SYNPR: variants seen among roughly 807,000 people sequenced by gnomAD.
SYNPR encodes the protein synaptoporin.
In SYNPR, 23 loss-of-function variants were observed where a neutral mutation model predicts 32.9. The observed-to-expected ratio is 0.70, with a 90% CI of 0.50 to 0.99. The LOEUF (loss-of-function observed/expected upper bound fraction) is 0.99, where lower values mean the gene tolerates loss of function less well. SYNPR is among the 50% of genes least tolerant of loss of function. SYNPR has a pLI of 0.00. For synonymous variants in SYNPR, 146 were observed against 135.9 expected (o/e 1.07, Z -0.52); for missense variants, 318 against 349.3 (o/e 0.91, Z 0.71).
chr3:63,538,929 G>A (rs1204834036), intron 3 of SYNPR, among the ~76,000 whole-genome samples: 1 of 151,924 alleles, frequency 6.6e-6, no homozygotes, highest in Non-Finnish European at 1.5e-5. Flanking sequence ...TTTATTGTTT[G>A]TATAGTCTAT....
At chr3:63,579,239 T>C (rs1703046826) in intron 4 of SYNPR, among the ~76,000 whole-genome samples, 1 of 152,160 alleles carries the variant, frequency 6.6e-6, no homozygotes, top group East Asian at 1.9e-4. Context: ...TTTCCTAGGT[T>C]GATAAACTTA....
chr3:63,260,954 CAT>C (rs1323553871), intron 2 of SYNPR, among the ~76,000 whole-genome samples: 1 of 151,864 alleles, frequency 6.6e-6, no homozygotes, highest in Non-Finnish European at 1.5e-5. Context: ...AGCCAAAAGA[CAT>C]ATGAAAAAAT....
rs752610442 is a variant in SYNPR at position 63,283,448 on chromosome 3, G to A, written c.84+4706G>A. Reference sequence around the variant, plus strand: ...TCTTTTAGGTCAAAACGGAAAAGTCGGGACATAGCACTGACTCTGGTGGTC... The same window carrying A: ...TCTTTTAGGTCAAAACGGAAAAGTCAGGACATAGCACTGACTCTGGTGGTC... On this transcript the variant is annotated intron_variant, in intron 2 of 5. Coordinates refer to ENST00000478300, the MANE Select transcript of SYNPR (RefSeq NM_001130003.2). Among the ~76,000 whole-genome samples, 4 of 152,194 alleles carry A rather than the reference G, an allele frequency of 2.6e-5. No homozygotes were observed. In the East Asian group the frequency reaches 5.8e-4, roughly 22 times the overall value.
At chr3:63,451,309 C>T (rs550814636) in intron 2 of SYNPR, among the ~76,000 whole-genome samples, 1 of 152,066 alleles carries the variant, frequency 6.6e-6, no homozygotes, top group Non-Finnish European at 1.5e-5. Flanking sequence ...AACCATTTCC[C>T]CAGTCTACCA....
At chr3:63,477,613 G>C (rs368979132) in intron 2 of SYNPR, among the ~76,000 whole-genome samples, 1 of 152,148 alleles carries the variant, frequency 6.6e-6, no homozygotes, top group African/African-American at 2.4e-5. Context: ...TCTTCAGCTC[G>C]TCTAAGCAGC....
intron 2 of SYNPR, among the ~76,000 whole-genome samples, chr3:63,393,607 C>A (rs1368032940): frequency 6.7e-6 from 1 of 150,274 alleles, no homozygotes; most frequent in Non-Finnish European, 1.5e-5. Context: ...AAGCCATTCT[C>A]CCACCTGAGC....
intron 3 of SYNPR, among the ~76,000 whole-genome samples, chr3:63,482,020 G>T (rs1701058402): frequency 6.8e-6 from 1 of 147,378 alleles, no homozygotes; most frequent in South Asian, 2.1e-4. Context: ...TGAACTACCA[G>T]AGCCCAGGAC....
intron 4 of SYNPR, among the ~76,000 whole-genome samples, chr3:63,565,837 T>A (rs78082914): frequency 0.02 from 3,006 of 152,276 alleles, 116 homozygotes; most frequent in African/African-American, 0.068. Flanking sequence ...ACTCTCTACC[T>A]GTCACCGTGT....
intron 2 of SYNPR, among the ~76,000 whole-genome samples, chr3:63,463,641 T>C (rs1575657731): frequency 6.6e-6 from 1 of 152,160 alleles, no homozygotes; most frequent in East Asian, 1.9e-4. Flanking sequence ...ATCCACCATG[T>C]CCGCATGACA....
intron 2 of SYNPR, among the ~76,000 whole-genome samples, chr3:63,296,563 C>G (rs1401581282): frequency 6.6e-6 from 1 of 152,142 alleles, no homozygotes; most frequent in Non-Finnish European, 1.5e-5. Flanking sequence ...GTCTCCTTTG[C>G]CTGACTTCAG....
At chr3:63,409,402 A>AGCACACAAGAT (rs2088431939) in intron 2 of SYNPR, among the ~76,000 whole-genome samples, 2 of 152,114 alleles carry the variant, frequency 1.3e-5, no homozygotes, top group African/African-American at 4.8e-5. Flanking sequence ...AAGCACACAA[A>AGCACACAAGAT]CTGATGCTTC....
chr3:63,552,945 T>C (rs1470782020), intron 3 of SYNPR, among the ~76,000 whole-genome samples: 1 of 152,234 alleles, frequency 6.6e-6, no homozygotes, highest in African/African-American at 2.4e-5. Context: ...TGGAAGATGA[T>C]GTGCACAACA....
chr3:63,375,080 G>A (rs2087870545), intron 2 of SYNPR, among the ~76,000 whole-genome samples: 1 of 152,168 alleles, frequency 6.6e-6, no homozygotes, highest in Non-Finnish European at 1.5e-5. Flanking sequence ...AACAGATGCT[G>A]GAGAGGATGC....
intron 3 of SYNPR, among the ~76,000 whole-genome samples, chr3:63,527,389 A>T (rs1052120757): frequency 6.6e-6 from 1 of 152,118 alleles, no homozygotes; most frequent in Non-Finnish European, 1.5e-5. Flanking sequence ...CATTAAAAAA[A>T]AAATTCAGAA....
At position 63,249,261 on chromosome 3, in the gene SYNPR, G is replaced by A. The variant is rs1191169685; in HGVS notation, n.67-3238G>A. ...AGAGATCATATTTTCAGCTATCAGA[G>A]TGAAAGAAGTTTAAATATGTGATAA... On this transcript the variant is annotated intron_variant and non_coding_transcript_variant, in intron 1 of 4. Transcript: ENST00000478456. Among the ~76,000 whole-genome samples, 8 of 152,236 alleles carry A rather than the reference G, an allele frequency of 5.3e-5. No homozygotes were observed. In the East Asian group the frequency reaches 1.2e-3, roughly 22 times the overall value.
chr3:63,340,576 C>A (rs373214317), intron 2 of SYNPR, among the ~76,000 whole-genome samples: 5 of 151,380 alleles, frequency 3.3e-5, no homozygotes. Context: ...CCCGCCACTA[C>A]GCCCGGCTAA....
Position 63,451,014 on chromosome 3 carries a change from C to A in SYNPR, c.85-29818C>A, listed in dbSNP as rs558496506. 5.9e-5 allele frequency among the ~76,000 whole-genome samples: 9 copies of A among 152,112 alleles called. No individual in the cohort carries two copies. In the East Asian group the frequency reaches 7.7e-4, roughly 13 times the overall value. ...AAAGAGAGGAAATAGGTCCAAATCC[C>A]GGCTCTGCGATATAGGGGTATGTAT... On this transcript the variant is annotated intron_variant, in intron 2 of 5. Coordinates refer to ENST00000478300, the MANE Select transcript of SYNPR (RefSeq NM_001130003.2).
chr3:63,505,220 T>C (rs1701565065), intron 3 of SYNPR, among the ~76,000 whole-genome samples: 1 of 152,140 alleles, frequency 6.6e-6, no homozygotes, highest in South Asian at 2.1e-4. Flanking sequence ...AATGTTAGGT[T>C]GAAGCATATG....
intron 3 of SYNPR, among the ~76,000 whole-genome samples, chr3:63,494,460 C>CATAT (rs1171188996): frequency 5.2e-5 from 4 of 77,284 alleles, no homozygotes; most frequent in Admixed American, 2.8e-4. Context: ...CATATATATA[C>CATAT]ATATATACAC....
Sources: allele counts gnomAD v4.1 joint callset (sites outside exome capture counted in the v4.1 genomes callset), GRCh38; gene constraint gnomAD v4.1.1; transcripts MANE v1.5; gene names NCBI Gene and HGNC (gene_info 2026-07-23, HGNC 2026-07-21).